PPP1R9A: variants seen among roughly 807,000 people sequenced by gnomAD.
PPP1R9A encodes the protein protein phosphatase 1 regulatory subunit 9A, also known as neurabin-1.
A neutral mutation model predicts 141.9 loss-of-function variants in PPP1R9A; 59 were observed. The ratio of observed to expected loss-of-function variants is 0.42; its 90% CI spans 0.34 to 0.52. The LOEUF (loss-of-function observed/expected upper bound fraction) is 0.52, where lower values mean the gene tolerates loss of function less well. PPP1R9A is among the 20% of genes least tolerant of loss of function. PPP1R9A has a pLI of 0.10. For synonymous variants in PPP1R9A, 500 were observed against 569.7 expected (o/e 0.88, Z 1.74); for missense variants, 1,444 against 1,611.9 (o/e 0.90, Z 1.78).
intron 5 of PPP1R9A, among the ~76,000 whole-genome samples, chr7:95,183,095 G>C (rs1207102206): frequency 6.6e-6 from 1 of 151,598 alleles, no homozygotes; most frequent in Non-Finnish European, 1.5e-5. Context: ...TTTTTTTTAA[G>C]AATTCAACTT....
chr7:95,175,836 T>C (rs1832820899), intron 5 of PPP1R9A, among the ~76,000 whole-genome samples: 1 of 152,194 alleles, frequency 6.6e-6, no homozygotes, highest in Admixed American at 6.6e-5. Flanking sequence ...CTGATGGTCA[T>C]AATTTTCTAG....
chr7:94,982,511 G>A (rs1210717711), intron 2 of PPP1R9A, among the ~76,000 whole-genome samples: 2 of 151,986 alleles, frequency 1.3e-5, no homozygotes, highest in African/African-American at 2.4e-5. Flanking sequence ...TTTAATGATC[G>A]CCATTCTAAC....
intron 2 of PPP1R9A, among the ~76,000 whole-genome samples, chr7:95,062,091 G>A (rs901262153): frequency 1.3e-5 from 2 of 152,164 alleles, no homozygotes; most frequent in East Asian, 3.9e-4. Context: ...TGGCAATTGT[G>A]TAGATGTTGA....
chr7:94,976,433 T>G (rs12539776), intron 2 of PPP1R9A, among the ~76,000 whole-genome samples: 13,476 of 149,332 alleles, frequency 0.09, 683 homozygotes, highest in East Asian at 0.17. Context: ...CTCTGACTCC[T>G]GGGTTCAGGC....
rs200552910 is a variant in PPP1R9A at position 95,202,354 on chromosome 7, TA to T, written c.1891-1302del. ...TTTACTCTCTGTTAAACATTCTGAT[TA>T]AAAAAAAATGTTAAAATGGCTCTGC... On this transcript the variant is annotated intron_variant, in intron 6 of 19. Coordinates refer to ENST00000433360, the MANE Select transcript of PPP1R9A (RefSeq NM_001166160.2). Among the ~76,000 whole-genome samples the T allele has an allele frequency of 1.3e-3, 200 of 151,078 alleles. 1 individual carries two copies. Among genetic ancestry groups the T allele is most frequent in the Non-Finnish European group, 2.5e-3 (172 of 67,636 alleles).
intron 2 of PPP1R9A, among the ~76,000 whole-genome samples, chr7:95,013,537 A>G (rs191868469): frequency 6.6e-6 from 1 of 152,278 alleles, no homozygotes; most frequent in Admixed American, 6.5e-5. Context: ...TACAAGTAAT[A>G]GATACTTTTC....
chr7:95,215,334 G>C (rs961383345), intron 7 of PPP1R9A, among the ~76,000 whole-genome samples: 1 of 152,030 alleles, frequency 6.6e-6, no homozygotes, highest in African/African-American at 2.4e-5. Flanking sequence ...GTATTCCATG[G>C]TGTATATGTG....
At chr7:95,242,495 A>G (rs1375695157) in intron 8 of PPP1R9A, among the ~76,000 whole-genome samples, 1 of 152,152 alleles carries the variant, frequency 6.6e-6, no homozygotes, top group Non-Finnish European at 1.5e-5. Context: ...CAGTCTCACT[A>G]TTTAAGTTTC....
rs1473524053 is a variant in PPP1R9A, at chr7:94,910,767, C to G, written c.654C>G (p.Ile218Met). The stretch of plus-strand genomic sequence containing the variant: ...AGAACACTGATTCTCCCAGTGCCAT[C>G]ATTTCTGAGAAGGCTGAAAACAATG... ...VFENTDSPSAIISEKAENNEY... is the reference protein window; with the variant it reads ...VFENTDSPSAMISEKAENNEY... The change falls in exon 2 of 20, where the codon ATC (isoleucine) becomes ATG (methionine). Residue 218 changes from isoleucine to methionine, a missense_variant. Ile to Met is a conservative substitution (Grantham distance 10). Coordinates refer to ENST00000433360, the MANE Select transcript of PPP1R9A (RefSeq NM_001166160.2). This position sits in a 1 kb window ranked among gnomAD's most constrained non-coding sequence, Gnocchi z 4.5. The G allele has an allele frequency of 1.6e-5, 26 of 1,614,000 alleles. No homozygotes were observed. Among genetic ancestry groups the G allele is most frequent in the Non-Finnish European group, 2.1e-5 (25 of 1,180,038 alleles).
chr7:94,945,213 A>G (rs1795769936), intron 2 of PPP1R9A, among the ~76,000 whole-genome samples: 1 of 152,102 alleles, frequency 6.6e-6, no homozygotes, highest in African/African-American at 2.4e-5. Context: ...ATAATCTCAT[A>G]TAAGTTGCTT....
intron 8 of PPP1R9A, among the ~76,000 whole-genome samples, chr7:95,243,502 A>G (rs1458260071): frequency 6.6e-6 from 1 of 152,134 alleles, no homozygotes; most frequent in Non-Finnish European, 1.5e-5. Context: ...ATGCTCAGAG[A>G]CTACCAGAAG....
intron 2 of PPP1R9A, among the ~76,000 whole-genome samples, chr7:94,943,318 T>C (rs1275598471): frequency 6.6e-6 from 1 of 152,222 alleles, no homozygotes; most frequent in Non-Finnish European, 1.5e-5. Context: ...TCCTAAAAGA[T>C]TGTTGGCACA....
intron 2 of PPP1R9A, among the ~76,000 whole-genome samples, chr7:94,985,743 T>G (rs1304899290): frequency 6.6e-6 from 1 of 152,186 alleles, no homozygotes; most frequent in Admixed American, 6.5e-5. Flanking sequence ...GAGATAGGTC[T>G]TAGAGGAGAG....
chr7:95,028,892 T>TC (rs1178940814), intron 2 of PPP1R9A, among the ~76,000 whole-genome samples: 2 of 152,192 alleles, frequency 1.3e-5, no homozygotes, highest in Non-Finnish European at 2.9e-5. Flanking sequence ...CCTTGTGGTT[T>TC]CACTCTTTAG....
In PPP1R9A at chr7:95,068,473, GAAAAAAAAA is replaced by G. The variant is rs36043693; in HGVS notation, c.1396-42772_1396-42764del. Among the ~76,000 whole-genome samples, 27 of 94,238 alleles carry G rather than the reference GAAAAAAAAA, an allele frequency of 2.9e-4. 1 individual carries two copies. The highest frequency in any genetic ancestry group is 1.7e-3 in the Admixed American group (11 of 6,522). 61.8% of individuals were successfully genotyped at this position (94,238 alleles called of 152,430 possible). A position where few individuals can be genotyped will look rare whatever the true frequency, so the allele number is the denominator to read the frequency against. ...TGACAGAGCAAGACTCTTGTCTCAA[GAAAAAAAAA>G]AAAAAAAAAAAAAGACAAACAAAAC... On this transcript the variant is annotated intron_variant, in intron 2 of 19. Coordinates refer to ENST00000433360, the MANE Select transcript of PPP1R9A (RefSeq NM_001166160.2).
At chr7:95,133,726 T>G (rs2152537971) in intron 4 of PPP1R9A, among the ~76,000 whole-genome samples, 1 of 152,190 alleles carries the variant, frequency 6.6e-6, no homozygotes, top group African/African-American at 2.4e-5. Flanking sequence ...AGACAGAGTC[T>G]TGCCCTGTCA....
intron 5 of PPP1R9A, 60 bp from the exon 6 acceptor site, chr7:95,198,289 T>C: frequency 6.7e-7 from 1 of 1,488,800 alleles, no homozygotes; most frequent in Non-Finnish European, 9.0e-7. Context: ...TGTTTACTTT[T>C]CTTAAAACTC....
chr7:95,179,512 A>AG (rs1374924704), intron 5 of PPP1R9A, among the ~76,000 whole-genome samples: 6 of 152,112 alleles, frequency 3.9e-5, no homozygotes, highest in African/African-American at 1.4e-4. Flanking sequence ...TAGTACTGGA[A>AG]GTCCTAGCCA....
At chr7:95,088,707 C>G (rs1231715535) in intron 2 of PPP1R9A, among the ~76,000 whole-genome samples, 1 of 151,808 alleles carries the variant, frequency 6.6e-6, no homozygotes, top group Non-Finnish European at 1.5e-5. Flanking sequence ...ACCTAAGGGA[C>G]CAGCCAGACA....
Sources: gnomAD v4.1 joint callset for allele counts (sites outside exome capture counted in the v4.1 genomes callset) on GRCh38, gnomAD v4.1.1 for gene constraint, Gnocchi (gnomAD v3.1) non-coding constraint, MANE v1.5 for transcripts, NCBI Gene and HGNC (gene_info 2026-07-23, HGNC 2026-07-21) for gene names.